Variants in TBXAS1 observed in about 807,000 individuals in gnomAD.
The protein encoded by TBXAS1 is thromboxane A synthase 1.
TBXAS1 carries 48 observed loss-of-function variants against 60.7 expected under a neutral mutation model. The observed-to-expected ratio is 0.79, with a 90% CI of 0.63 to 1.01. The LOEUF is 1.01. Among genes scored for constraint, TBXAS1 ranks in the 50% least tolerant of loss-of-function variants. TBXAS1 has a pLI of 0.00. For synonymous variants in TBXAS1, 287 were observed against 269.7 expected (o/e 1.06, Z -0.63); for missense variants, 685 against 686.3 (o/e 1.00, Z 0.02).
intron 1 of TBXAS1, among the ~76,000 whole-genome samples, chr7:139,868,223 C>G (rs1400083857): frequency 6.6e-6 from 1 of 152,170 alleles, no homozygotes; most frequent in Non-Finnish European, 1.5e-5. Flanking sequence ...TGCGTATTAC[C>G]TGCTTTACAC....
At position 139,885,917 on chromosome 7, in the gene TBXAS1, A is replaced by C. The variant is rs77077422; in HGVS notation, c.236+10280A>C. On this transcript the variant is annotated intron_variant, in intron 3 of 12. Transcript: ENST00000448866. ...AAAAAAGTCACACACCACCGCATAC[A>C]CGTTTGAAATTCTACTAAATTTTGA... 1.3e-4 allele frequency among the ~76,000 whole-genome samples: 20 copies of C among 152,332 alleles called. No homozygotes were observed. In the East Asian group the frequency reaches 3.5e-3, roughly 26 times the overall value.
At chr7:139,854,565 ACT>A (rs1273282747) in intron 1 of TBXAS1, among the ~76,000 whole-genome samples, 2 of 152,032 alleles carry the variant, frequency 1.3e-5, no homozygotes, top group Non-Finnish European at 2.9e-5. Context: ...CCTACTGAAA[ACT>A]CTATGCCCAA....
chr7:139,980,479 G>C (rs1811883837), intron 9 of TBXAS1, among the ~76,000 whole-genome samples: 1 of 152,060 alleles, frequency 6.6e-6, no homozygotes, highest in Non-Finnish European at 1.5e-5. Context: ...CTGGTCATCA[G>C]AGGCCTCTCT....
intron 1 of TBXAS1, among the ~76,000 whole-genome samples, chr7:139,846,667 A>G (rs1478423142): frequency 2.0e-5 from 3 of 152,240 alleles, no homozygotes; most frequent in African/African-American, 7.2e-5. Context: ...AATGCACTGC[A>G]GTGAAAAGTG....
chr7:139,819,421 G>A (rs997304845), intron 4 of TBXAS1, among the ~76,000 whole-genome samples: 1 of 152,190 alleles, frequency 6.6e-6, no homozygotes, highest in African/African-American at 2.4e-5. Flanking sequence ...ACACACTTCT[G>A]TAGTGTGAAG....
intron 4 of TBXAS1, chr7:139,913,088 C>T: frequency 1.4e-6 from 1 of 702,262 alleles, no homozygotes; most frequent in Non-Finnish European, 2.6e-6. Flanking sequence ...TGCCCAACTC[C>T]AGACATCACG....
chr7:139,987,677 C>G (rs1183175894), intron 9 of TBXAS1, among the ~76,000 whole-genome samples: 8 of 152,178 alleles, frequency 5.3e-5, no homozygotes, highest in Non-Finnish European at 1.2e-4. Context: ...ATGTTTAATT[C>G]TAATGGAACC....
chr7:140,000,824 A>G (rs185651265), intron 9 of TBXAS1, among the ~76,000 whole-genome samples: 2 of 152,332 alleles, frequency 1.3e-5, no homozygotes, highest in Admixed American at 1.3e-4. Flanking sequence ...GCCTAGTTCA[A>G]TAGAGAGAGC....
chr7:139,826,809 A>G (rs898238509), upstream of TBXAS1, among the ~76,000 whole-genome samples: 3 of 152,214 alleles, frequency 2.0e-5, no homozygotes, highest in African/African-American at 7.2e-5. Context: ...ATTTTCAGCC[A>G]TCAGTGCTCT....
chr7:139,875,239 G>C (rs1802139458), intron 2 of TBXAS1, among the ~76,000 whole-genome samples: 1 of 152,216 alleles, frequency 6.6e-6, no homozygotes, highest in South Asian at 2.1e-4. Flanking sequence ...CTCAGTAGAA[G>C]TTACATATAG....
At chr7:139,850,385 AAAG>A (rs1433550522) in intron 1 of TBXAS1, among the ~76,000 whole-genome samples, 2 of 152,264 alleles carry the variant, frequency 1.3e-5, no homozygotes, top group African/African-American at 2.4e-5. Context: ...CAACATGAAA[AAAG>A]AAGTTTTTGA....
chr7:139,998,368 T>C (rs1478095656), intron 9 of TBXAS1, among the ~76,000 whole-genome samples: 3 of 152,078 alleles, frequency 2.0e-5, no homozygotes, highest in Admixed American at 6.5e-5. Context: ...CGTGTTATTC[T>C]TCCATAAAAT....
At chr7:139,861,273 G>A (rs1005159370) in intron 1 of TBXAS1, among the ~76,000 whole-genome samples, 2 of 151,716 alleles carry the variant, frequency 1.3e-5, no homozygotes, top group Non-Finnish European at 2.9e-5. Context: ...TCGCTCTGTT[G>A]CCCAGGCTGG....
chr7:139,883,413 T>C (rs1223023571), intron 3 of TBXAS1, among the ~76,000 whole-genome samples: 4 of 152,256 alleles, frequency 2.6e-5, no homozygotes, highest in Non-Finnish European at 1.5e-5. Context: ...ATTTATTTTA[T>C]ACCAGTTCAT....
intron 3 of TBXAS1, among the ~76,000 whole-genome samples, chr7:139,888,299 C>T (rs1803273001): frequency 1.3e-5 from 2 of 152,206 alleles, no homozygotes; most frequent in Non-Finnish European, 2.9e-5. Flanking sequence ...CTCTTTCCCA[C>T]CAGCTCACTG....
intron 3 of TBXAS1, among the ~76,000 whole-genome samples, chr7:139,891,060 C>T (rs1803565346): frequency 6.6e-6 from 1 of 152,016 alleles, no homozygotes; most frequent in Non-Finnish European, 1.5e-5. Context: ...GAGTCTGCTG[C>T]TTCCCATGGC....
At chr7:139,962,388 G>A (rs934670316) in intron 9 of TBXAS1, 155 bp downstream of exon 9, 34 of 889,478 alleles carry the variant, frequency 3.8e-5, no homozygotes, top group Non-Finnish European at 5.4e-5. Flanking sequence ...CCTGCTCTCC[G>A]GGTTAGCAAG....
intron 9 of TBXAS1, among the ~76,000 whole-genome samples, chr7:139,963,543 G>A (rs1003603709): frequency 1.3e-5 from 2 of 152,092 alleles, no homozygotes; most frequent in African/African-American, 4.8e-5. Context: ...AAATAACCCT[G>A]CCACCCATCT....
At chr7:139,875,666 T>C in intron 3 of TBXAS1, 29 bp downstream of exon 3, 2 of 1,613,474 alleles carry the variant, frequency 1.2e-6, no homozygotes, top group Non-Finnish European at 1.7e-6. Flanking sequence ...GTTTCTATTA[T>C]GTACGATATT....
Sources: gnomAD v4.1 joint callset for allele counts (sites outside exome capture counted in the v4.1 genomes callset) on GRCh38, gnomAD v4.1.1 for gene constraint, MANE v1.5 for transcripts, NCBI Gene and HGNC (gene_info 2026-07-23, HGNC 2026-07-21) for gene names.